The following BRINP3 variants were observed in gnomAD, a reference collection of about 807,000 sequenced individuals.
BRINP3 encodes the protein BMP/retinoic acid inducible neural specific 3, also known as BMP/retinoic acid-inducible neural-specific protein 3.
BRINP3 carries 19 observed loss-of-function variants against 71.0 expected under a neutral mutation model. The observed-to-expected ratio is 0.27, with a 90% confidence interval of 0.19 to 0.39. The LOEUF (loss-of-function observed/expected upper bound fraction) is 0.39. Ranked by LOEUF, BRINP3 falls within the 10% of genes least tolerant of loss-of-function variation. The pLI is 1.00. For missense variants in BRINP3, 959 were observed against 940.8 expected (o/e 1.02, Z -0.25); for synonymous variants, 380 against 337.7 (o/e 1.13, Z -1.37).
At chr1:190,244,559 T>C (rs1290409029) in intron 4 of BRINP3, among the ~76,000 whole-genome samples, 1 of 152,034 alleles carries the variant, frequency 6.6e-6, no homozygotes, top group Non-Finnish European at 1.5e-5. Flanking sequence ...ATCACCATCC[T>C]GGAAGACGAT....
intron 6 of BRINP3, among the ~76,000 whole-genome samples, chr1:190,208,978 C>T (rs1317009617): frequency 6.6e-6 from 1 of 152,008 alleles, no homozygotes; most frequent in Non-Finnish European, 1.5e-5. Context: ...CTAAAATGTC[C>T]TTTAAACTTG....
chr1:190,412,388 A>G (rs1246951223), intron 2 of BRINP3, among the ~76,000 whole-genome samples: 1 of 63,510 alleles, frequency 1.6e-5, no homozygotes, highest in Non-Finnish European at 3.5e-5. Flanking sequence ...GAAAAGATAT[A>G]TATATATTAT....
intron 2 of BRINP3, among the ~76,000 whole-genome samples, chr1:190,300,939 C>G (rs1022078532): frequency 3.3e-5 from 5 of 151,664 alleles, no homozygotes; most frequent in Non-Finnish European, 7.4e-5. Flanking sequence ...ATGACTTTGA[C>G]GAGCTGAGAG....
intron 6 of BRINP3, among the ~76,000 whole-genome samples, chr1:190,208,270 C>T (rs2102640444): frequency 6.6e-6 from 1 of 151,902 alleles, no homozygotes; most frequent in African/African-American, 2.4e-5. Flanking sequence ...GTAATACATA[C>T]TCTTATATCA....
In BRINP3 at chr1:190,392,781, A is replaced by G. The variant is rs550220805; in HGVS notation, c.236+61874T>C. On this transcript the variant is annotated intron_variant, in intron 2 of 7. Transcript: ENST00000367462. Reference sequence around the variant, plus strand: ...ACACCTGAGTACACTGTAAGGGGAAAAAAATCTTTATTCTCAATTCAATTA... The same window carrying G: ...ACACCTGAGTACACTGTAAGGGGAAGAAAATCTTTATTCTCAATTCAATTA... 2.0e-5 allele frequency among the ~76,000 whole-genome samples: 3 copies of G among 151,784 alleles called. No homozygotes were observed. In the South Asian group the frequency reaches 6.2e-4, roughly 31 times the overall value.
At chr1:190,319,617 G>A (rs956295346) in intron 2 of BRINP3, among the ~76,000 whole-genome samples, 3 of 152,118 alleles carry the variant, frequency 2.0e-5, no homozygotes, top group African/African-American at 7.2e-5. Flanking sequence ...GGGAGAGCCA[G>A]CATGTCTTAC....
chr1:190,380,072 A>G (rs1355444259), intron 2 of BRINP3, among the ~76,000 whole-genome samples: 4 of 152,110 alleles, frequency 2.6e-5, no homozygotes, highest in African/African-American at 9.7e-5. Context: ...ATGTGATCTA[A>G]CTTACATTCC....
intron 4 of BRINP3, among the ~76,000 whole-genome samples, chr1:190,244,390 G>A (rs563515297): frequency 7.4e-4 from 112 of 152,086 alleles, no homozygotes; most frequent in African/African-American, 2.5e-3. Context: ...CAATCTGCTC[G>A]ATTGATACTC....
intron 2 of BRINP3, among the ~76,000 whole-genome samples, chr1:190,287,105 T>C (rs1663488918): frequency 6.6e-6 from 1 of 151,554 alleles, no homozygotes; most frequent in South Asian, 2.1e-4. Context: ...TGTGTGCCTG[T>C]AATCCCAGCT....
chr1:190,274,276 C>T (rs1571596514), intron 3 of BRINP3, among the ~76,000 whole-genome samples: 1 of 151,404 alleles, frequency 6.6e-6, no homozygotes, highest in Middle Eastern at 3.4e-3. Context: ...ATGAGGCTGA[C>T]TCTTATGAGT....
rs754542304 is a variant in BRINP3, at chr1:190,160,794, C to T, written c.1058G>A (p.Arg353His). ...HLWTMDSNFQ[R>H]RYEQLENSMK... is the part of the protein sequence containing the mutation. ...GCTGTTCTCCAGTTGTTCATAACGG[C>T]GCTGAAAATTAGAATCCATTGTCCA... is the stretch of plus-strand genomic sequence containing the variant. The change falls in exon 7 of 8, where the codon CGC becomes CAC. Residue 353 changes from arginine (R) to histidine (H), a missense_variant. Arg to His is a conservative substitution (Grantham distance 29, BLOSUM62 0). Transcript: ENST00000367462. 6.0e-5 allele frequency: 97 copies of T among 1,613,354 alleles called. No homozygotes were observed. The highest frequency in any genetic ancestry group is 7.1e-5 in the Non-Finnish European group (84 of 1,179,664).
intron 2 of BRINP3, among the ~76,000 whole-genome samples, chr1:190,282,886 T>C (rs907295880): frequency 6.6e-6 from 1 of 151,976 alleles, no homozygotes; most frequent in African/African-American, 2.4e-5. Flanking sequence ...ATATTTTACA[T>C]TACATGGCCA....
intron 2 of BRINP3, among the ~76,000 whole-genome samples, chr1:190,448,215 T>G (rs1240042791): frequency 1.3e-5 from 2 of 151,768 alleles, no homozygotes; most frequent in Admixed American, 6.6e-5. Flanking sequence ...TAAATTTGTA[T>G]TCTTAATATC....
intron 1 of BRINP3, among the ~76,000 whole-genome samples, chr1:190,469,069 C>T (rs754803409): frequency 3.3e-5 from 5 of 150,768 alleles, no homozygotes; most frequent in Middle Eastern, 3.3e-3. Flanking sequence ...TAATTGTTTA[C>T]CCATAAATTT....
intron 4 of BRINP3, among the ~76,000 whole-genome samples, chr1:190,254,813 A>T (rs930491137): frequency 6.6e-5 from 10 of 152,172 alleles, no homozygotes; most frequent in African/African-American, 2.4e-4. Context: ...CACTAAGTTG[A>T]ATAGGAGCAG....
At chr1:190,126,733 C>T (rs560632900) in intron 7 of BRINP3, among the ~76,000 whole-genome samples, 1 of 152,014 alleles carries the variant, frequency 6.6e-6, no homozygotes, top group Admixed American at 6.6e-5. Context: ...CAATCATTAT[C>T]ATGTTAACCT....
intron 5 of BRINP3, among the ~76,000 whole-genome samples, chr1:190,230,038 C>T (rs985162248): frequency 6.6e-6 from 1 of 151,654 alleles, no homozygotes; most frequent in Non-Finnish European, 1.5e-5. Context: ...AAATTAAGAA[C>T]CAATGGATAG....
intron 2 of BRINP3, among the ~76,000 whole-genome samples, chr1:190,363,634 G>A (rs1669296985): frequency 6.6e-6 from 1 of 152,124 alleles, no homozygotes; most frequent in African/African-American, 2.4e-5. Flanking sequence ...TGCCCTGACT[G>A]CATTTTAGAG....
intron 2 of BRINP3, among the ~76,000 whole-genome samples, chr1:190,380,490 T>A (rs1195698444): frequency 6.6e-6 from 1 of 152,170 alleles, no homozygotes; most frequent in Non-Finnish European, 1.5e-5. Flanking sequence ...AAACAAATTT[T>A]CTACATCTAC....
Sources: allele counts gnomAD v4.1 joint callset (sites outside exome capture counted in the v4.1 genomes callset), GRCh38; gene constraint gnomAD v4.1.1; transcripts MANE v1.5; gene names NCBI Gene and HGNC (gene_info 2026-07-23, HGNC 2026-07-21).